The following TLN1 variants were observed in gnomAD, a reference collection of about 807,000 sequenced individuals.
TLN1 encodes the protein talin-1.
In TLN1, 56 loss-of-function variants were observed where a neutral mutation model predicts 292.3. The ratio of observed to expected loss-of-function variants is 0.19; its 90% confidence interval spans 0.15 to 0.24. The LOEUF is 0.24. Among genes scored for constraint, TLN1 ranks in the 10% least tolerant of loss-of-function variants. TLN1 has a pLI of 1.00. For missense variants in TLN1, 2,433 were observed against 3,248.2 expected (o/e 0.75, Z 6.10); for synonymous variants, 1,119 against 1,253.7 (o/e 0.89, Z 2.27).
intron 17 of TLN1, 119 bp downstream of exon 17, chr9:35,718,691 AAT>A: frequency 1.3e-6 from 1 of 758,160 alleles, no homozygotes; most frequent in South Asian, 1.7e-5. Context: ...ATCCCCTGGA[AAT>A]AGAGGTTCAG....
In TLN1 at chr9:35,724,846, G is replaced by C. The variant is rs150621062; in HGVS notation, c.342C>G (p.Thr114=). 1.7e-4 allele frequency: 272 copies of C among 1,614,132 alleles called. No homozygotes were observed. Among genetic ancestry groups the C allele is most frequent in the Middle Eastern group, 4.9e-4 (3 of 6,062 alleles). Reference sequence around the variant, plus strand: ...GCCCCTTACCAATGCGGGCACAGATGGTCATGAGCATGTCAGTGACAGTCT... The same window carrying C: ...GCCCCTTACCAATGCGGGCACAGATCGTCATGAGCATGTCAGTGACAGTCT... ...DSKTVTDMLM[T]ICARIGITNH... Residue 114 remains threonine, a synonymous_variant, in exon 4 of 57, where the codon ACC becomes ACG. Coordinates refer to ENST00000314888, the MANE Select transcript of TLN1 (RefSeq NM_006289.4). This position sits in a 1 kb window ranked among gnomAD's most constrained non-coding sequence, Gnocchi z 4.7.
At position 35,698,417 on chromosome 9, in the gene TLN1, G is replaced by A; in HGVS notation, c.7277C>T (p.Ser2426Leu). ...GGAGGCAGCTACCTGCTTGGCTGATGAGATGAGCTTCTCCTGGCTGGCATG... is the reference window on the plus strand; with the variant it reads ...GGAGGCAGCTACCTGCTTGGCTGATAAGATGAGCTTCTCCTGGCTGGCATG... The part of the protein sequence containing the change: ...QGHASQEKLI[S>L]SAKQVAASTA... The change falls in exon 55 of 57, where the codon TCA becomes TTA. Residue 2426 changes from serine to leucine, a missense_variant. Physicochemically the swap from Ser to Leu is moderately radical, Grantham distance 145. Around this residue, in one of 7 missense-constraint regions of TLN1, gnomAD observed 141 missense variants for 248.5 expected, o/e 0.57. Coordinates refer to ENST00000314888, the MANE Select transcript of TLN1 (RefSeq NM_006289.4). The surrounding 1 kb of genome is among the most constrained non-coding windows in gnomAD (Gnocchi z 5.3). The A allele has an allele frequency of 6.2e-7, 1 of 1,614,192 alleles. No homozygotes were observed. Among genetic ancestry groups the A allele is most frequent in the Non-Finnish European group, 8.5e-7 (1 of 1,180,046 alleles).
chr9:35,726,967 T>C (rs1372140155), intron 1 of TLN1, among the ~76,000 whole-genome samples: 1 of 152,258 alleles, frequency 6.6e-6, no homozygotes, highest in Non-Finnish European at 1.5e-5. Context: ...TCTCGAATTC[T>C]GCTCTGTCTC....
At chr9:35,708,072 T>G in intron 34 of TLN1, 180 bp from the exon 35 acceptor site, 1 of 769,148 alleles carries the variant, frequency 1.3e-6, no homozygotes, top group Non-Finnish European at 2.0e-6. Flanking sequence ...GAACTGGGCA[T>G]GGGAGAGGAA....
chr9:35,712,141 G>C lies in TLN1; in HGVS notation c.3562-17C>G, dbSNP rs746588860. ...TTTAGCCACCTGGGGTGAGAAAGGA[G>C]ACAGGGTTGCCCAAGTGAAAAGAAT... On this transcript the variant is annotated splice_polypyrimidine_tract_variant and intron_variant, in intron 27 of 56. Transcript: ENST00000314888. 1 of 1,609,652 alleles carries C rather than the reference G, an allele frequency of 6.2e-7. No homozygotes were observed. The highest frequency in any genetic ancestry group is 1.1e-5 in the South Asian group (1 of 90,408).
intron 12 of TLN1, 73 bp downstream of exon 12, chr9:35,720,360 C>T: frequency 6.4e-7 from 1 of 1,571,420 alleles, no homozygotes. Context: ...CTCCCCACCT[C>T]CCAAGAGTCC....
chr9:35,719,246 C>G lies in TLN1; in HGVS notation c.1724G>C (p.Cys575Ser). Residue 575 changes from cysteine (C) to serine (S), a missense_variant, in exon 16 of 57, where the codon TGT becomes TCT. Physicochemically the swap from Cys to Ser is moderately radical, Grantham distance 112. Around this residue, in one of 7 missense-constraint regions of TLN1, gnomAD observed 617 missense variants for 770.6 expected, o/e 0.80. Coordinates refer to ENST00000314888, the MANE Select transcript of TLN1 (RefSeq NM_006289.4). This position sits in a 1 kb window ranked among gnomAD's most constrained non-coding sequence, Gnocchi z 4.6. ...GTTGGAGGAGATTGTGGTGACTGCA[C>G]AGCCCACTGCGGTATAGTCTGTCTC... is the stretch of plus-strand genomic sequence containing the variant. Reference protein sequence around the residue: ...PAETDYTAVGCAVTTISSNLT... With the variant: ...PAETDYTAVGSAVTTISSNLT... 6.2e-6 allele frequency: 10 copies of G among 1,614,140 alleles called. No homozygotes were observed. The highest frequency in any genetic ancestry group is 3.4e-6 in the Non-Finnish European group (4 of 1,179,996).
rs1476405184 is a variant in TLN1 at position 35,724,183 on chromosome 9, T to C, written c.654+9A>G. On this transcript the variant is annotated intron_variant, in intron 6 of 56. Transcript: ENST00000314888. This position sits in a 1 kb window ranked among gnomAD's most constrained non-coding sequence, Gnocchi z 4.7. ...TTCCTGCCCCACCCCAGCCAAGTCC[T>C]CTGCATACCTGCACATACAGGAGGT... 2 of 1,614,140 alleles carry C rather than the reference T, an allele frequency of 1.2e-6. No homozygotes were observed. Among genetic ancestry groups the C allele is most frequent in the East Asian group, 2.2e-5 (1 of 44,886 alleles).
chr9:35,700,342 G>C lies in TLN1; in HGVS notation c.6509C>G (p.Ser2170Cys). 1 of 1,608,572 alleles carries C rather than the reference G, an allele frequency of 6.2e-7. No homozygotes were observed. The highest frequency in any genetic ancestry group is 8.5e-7 in the Non-Finnish European group (1 of 1,175,338). ...CATTCGGATGAAGTCTTCTGGGGTA[G>C]AGGTCTTGGCAGGTGGCTCTGGGGA... The part of the protein sequence containing the change: ...FCSPEPPAKT[S>C]TPEDFIRMTK... Residue 2170 changes from serine (S) to cysteine (C), a missense_variant, in exon 49 of 57, where the codon TCT becomes TGT. Physicochemically the swap from Ser to Cys is moderately radical, Grantham distance 112. This residue lies in a region of TLN1 where 1,384 missense variants were observed against 1,699.6 expected (regional missense o/e 0.81). Transcript: ENST00000314888.
chr9:35,725,004 G>A (rs1377856822), intron 3 of TLN1, 45 bp from the exon 4 acceptor site: 1 of 1,612,512 alleles, frequency 6.2e-7, no homozygotes, highest in Admixed American at 1.7e-5. Flanking sequence ...CTGAGCTAGG[G>A]GTATTATTTC....
Position 35,712,993 on chromosome 9 carries a change from C to A in TLN1, c.3403G>T (p.Ala1135Ser), listed in dbSNP as rs146392528. The change falls in exon 27 of 57, where the codon GCT becomes TCT. Residue 1135 changes from alanine (A) to serine (S), a missense_variant. This residue lies in a region of TLN1 where 1,384 missense variants were observed against 1,699.6 expected (regional missense o/e 0.81). Coordinates refer to ENST00000314888, the MANE Select transcript of TLN1 (RefSeq NM_006289.4). The part of the protein sequence containing the change: ...AGGLRSLAQA[A>S]RGVAALTSDP... ...GACGTCAGTGCAGCGACTCCCCTAG[C>A]GGCCTGGGCCAGTGACCGCAGCCCA... 12 of 1,609,216 alleles carry A rather than the reference C, an allele frequency of 7.5e-6. No homozygotes were observed. Among genetic ancestry groups the A allele is most frequent in the East Asian group, 2.2e-5 (1 of 44,672 alleles).
Position 35,717,583 on chromosome 9 carries a change from C to T in TLN1, c.2163+36G>A, listed in dbSNP as rs775910906. On this transcript the variant is annotated intron_variant, in intron 18 of 56. Coordinates refer to ENST00000314888, the MANE Select transcript of TLN1 (RefSeq NM_006289.4). The surrounding 1 kb of genome is among the most constrained non-coding windows in gnomAD (Gnocchi z 4.7). Reference sequence around the variant, plus strand: ...GCTCACGTGTGTGTGGTAGTATTACCCCTCAGCACGGACTAGAGCAACCTT... The same window carrying T: ...GCTCACGTGTGTGTGGTAGTATTACTCCTCAGCACGGACTAGAGCAACCTT... 2 of 1,592,188 alleles carry T rather than the reference C, an allele frequency of 1.3e-6. No homozygotes were observed. Among genetic ancestry groups the T allele is most frequent in the East Asian group, 4.5e-5 (2 of 44,374 alleles).
Position 35,699,521 on chromosome 9 carries a change from T to A in TLN1, c.6769-60A>T. The A allele has an allele frequency of 6.4e-7, 1 of 1,557,800 alleles. No homozygotes were observed. ...ACATCTTAGGGTCTACCCTGATCTA[T>A]GAAATAGGGCAGACCATGGCCCCCT... On this transcript the variant is annotated intron_variant, in intron 50 of 56. Transcript: ENST00000314888. This position sits in a 1 kb window ranked among gnomAD's most constrained non-coding sequence, Gnocchi z 4.0.
At chr9:35,705,248 A>G (rs1375368987) in intron 43 of TLN1, among the ~76,000 whole-genome samples, 1 of 152,214 alleles carries the variant, frequency 6.6e-6, no homozygotes, top group Non-Finnish European at 1.5e-5. Flanking sequence ...TTGCAACAAG[A>G]AAGAACAAGA....
chr9:35,707,296 G>A lies in TLN1; in HGVS notation c.4774-43C>T. On this transcript the variant is annotated intron_variant, in intron 36 of 56. Transcript: ENST00000314888. This position sits in a 1 kb window ranked among gnomAD's most constrained non-coding sequence, Gnocchi z 5.6. ...AGGAAGGTAAGTCTCAGGAGTCCCTGGAAGATGAGGTGATAAGCTGGCCCA... is the reference window on the plus strand; with the variant it reads ...AGGAAGGTAAGTCTCAGGAGTCCCTAGAAGATGAGGTGATAAGCTGGCCCA... 6.2e-7 allele frequency: 1 copy of A among 1,607,800 alleles called. No individual in the cohort carries two copies. The highest frequency in any genetic ancestry group is 8.5e-7 in the Non-Finnish European group (1 of 1,175,320).
In TLN1 at chr9:35,710,983, G is replaced by A; in HGVS notation, c.4113+6C>T. 6.2e-7 allele frequency: 1 copy of A among 1,614,162 alleles called. No individual in the cohort carries two copies. The highest frequency in any genetic ancestry group is 8.5e-7 in the Non-Finnish European group (1 of 1,180,014). ...CCTCAATGCCATCAGCCTGCCATGT[G>A]TCTACCTCCAATTCCCGCAGGGCGT... On this transcript the variant is annotated splice_donor_region_variant and intron_variant, in intron 31 of 56. Transcript: ENST00000314888.
Position 35,704,619 on chromosome 9 carries a change from C to T in TLN1, c.5880+50G>A, listed in dbSNP as rs747013847. 86 of 1,607,208 alleles carry T rather than the reference C, an allele frequency of 5.4e-5. No homozygotes were observed. The highest frequency in any genetic ancestry group is 7.0e-5 in the Non-Finnish European group (82 of 1,176,102). ...GAGGGCTGGAGGAGGATGGCAAAGG[C>T]TACAGAGTTTGGAGGCAGTCCCACC... On this transcript the variant is annotated intron_variant, in intron 44 of 56. Transcript: ENST00000314888. The surrounding 1 kb of genome is among the most constrained non-coding windows in gnomAD (Gnocchi z 6.9).
intron 43 of TLN1, 36 bp downstream of exon 43, chr9:35,705,515 G>C (rs1825548474): frequency 6.5e-7 from 1 of 1,536,776 alleles, no homozygotes; most frequent in Admixed American, 2.0e-5. Flanking sequence ...CAGGAACAAG[G>C]GGCAGGGGGC....
In TLN1 at chr9:35,714,081, C is replaced by A. The variant is rs1381992219; in HGVS notation, c.3121G>T (p.Ala1041Ser). 1 of 1,613,994 alleles carries A rather than the reference C, an allele frequency of 6.2e-7. No individual in the cohort carries two copies. The highest frequency in any genetic ancestry group is 1.7e-5 in the Admixed American group (1 of 60,012). ...TCCAAAGGTCCACATGCTTCCTGAGCCTATGATAAGAAAGGGGTTTTGGGT... is the reference window on the plus strand; with the variant it reads ...TCCAAAGGTCCACATGCTTCCTGAGACTATGATAAGAAAGGGGTTTTGGGT... The part of the protein sequence containing the change: ...LAELRTAAQK[A>S]QEACGPLEMD... The change falls in exon 25 of 57, where the codon GCT (alanine) becomes TCT (serine). Residue 1041 changes from alanine to serine, a missense_variant and splice_region_variant. Ala to Ser is a moderately conservative substitution (Grantham distance 99). Transcript: ENST00000314888. The surrounding 1 kb of genome is among the most constrained non-coding windows in gnomAD (Gnocchi z 4.6).
Sources: gnomAD v4.1 joint callset for allele counts (sites outside exome capture counted in the v4.1 genomes callset) on GRCh38, gnomAD v4.1.1 for gene constraint, gnomAD v4.1.1 regional missense constraint, Gnocchi (gnomAD v3.1) non-coding constraint, MANE v1.5 for transcripts, NCBI Gene and HGNC (gene_info 2026-07-23, HGNC 2026-07-21) for gene names.